The following ZNF438 variants were observed in gnomAD, a reference collection of about 807,000 sequenced individuals.
ZNF438 encodes zinc finger protein 438.
A neutral mutation model predicts 38.0 loss-of-function variants in ZNF438; 25 were observed. The observed-to-expected ratio is 0.66, with a 90% CI of 0.48 to 0.92. The LOEUF (loss-of-function observed/expected upper bound fraction) is 0.92. Ranked by LOEUF, ZNF438 falls within the 40% of genes least tolerant of loss-of-function variation. The pLI is 0.00. For synonymous variants in ZNF438, 372 were observed against 364.1 expected, an observed-to-expected ratio of 1.02 and a Z score of -0.25; for missense variants, 1,007 against 999.6, an observed-to-expected ratio of 1.01 and a Z score of -0.10.
intron 1 of ZNF438, among the ~76,000 whole-genome samples, chr10:30,947,764 T>C (rs893957441): frequency 1.2e-4 from 19 of 152,320 alleles, no homozygotes; most frequent in African/African-American, 4.1e-4. Context: ...AAGCGCAGTA[T>C]TCGGGAGGGA....
At chr10:30,874,157 TATA>T (rs2038040649) in intron 4 of ZNF438, among the ~76,000 whole-genome samples, 2 of 111,880 alleles carry the variant, frequency 1.8e-5, no homozygotes, top group Non-Finnish European at 3.6e-5. Context: ...TATATATATA[TATA>T]TATTTAGAGA....
chr10:30,891,177 T>C (rs2040637758), intron 3 of ZNF438, among the ~76,000 whole-genome samples: 1 of 152,218 alleles, frequency 6.6e-6, no homozygotes. Flanking sequence ...CCTGGGATAT[T>C]TTCTTCAATT....
At chr10:30,857,575 A>T in intron 4 of ZNF438, 2 of 952,110 alleles carry the variant, frequency 2.1e-6, no homozygotes, top group Non-Finnish European at 3.1e-6. Context: ...ATTACCATTA[A>T]ATTATACTAA....
chr10:30,929,795 A>G (rs967286154), intron 2 of ZNF438, among the ~76,000 whole-genome samples: 1 of 152,084 alleles, frequency 6.6e-6, no homozygotes, highest in African/African-American at 2.4e-5. Context: ...GCTAGACATA[A>G]AAGTTCTCCA....
At chr10:30,866,235 CAAGCACTCAATTCAGCCGTA>C (rs1486417943) in intron 4 of ZNF438, among the ~76,000 whole-genome samples, 3 of 152,166 alleles carry the variant, frequency 2.0e-5, no homozygotes, top group African/African-American at 7.2e-5. Context: ...GTTCTGAGGA[CAAGCACTCAATTCAGCCGTA>C]AAGCTGACCT....
At chr10:31,006,247 G>A (rs2055115145) in intron 1 of ZNF438, among the ~76,000 whole-genome samples, 1 of 152,182 alleles carries the variant, frequency 6.6e-6, no homozygotes, top group Non-Finnish European at 1.5e-5. Context: ...CTTGATTAGA[G>A]GGTTGGGACG....
At chr10:30,930,172 G>C (rs910063412) in intron 2 of ZNF438, among the ~76,000 whole-genome samples, 3 of 141,250 alleles carry the variant, frequency 2.1e-5, no homozygotes, top group Non-Finnish European at 4.7e-5. Context: ...GGTGGGGGGG[G>C]AGTGCGGGGC....
chr10:30,875,510 C>T, intron 4 of ZNF438: 1 of 985,368 alleles, frequency 1.0e-6, no homozygotes, highest in Non-Finnish European at 1.2e-6. Context: ...TCCTTGCTTG[C>T]TTGGATAAAA....
At chr10:30,884,554 G>A (rs903370533) in intron 3 of ZNF438, among the ~76,000 whole-genome samples, 23 of 152,190 alleles carry the variant, frequency 1.5e-4, no homozygotes, top group African/African-American at 5.1e-4. Flanking sequence ...ATTATAACCT[G>A]ACTTTTCTTA....
At chr10:30,865,444 T>C (rs750031693) in intron 4 of ZNF438, among the ~76,000 whole-genome samples, 7 of 74,778 alleles carry the variant, frequency 9.4e-5, no homozygotes, top group Middle Eastern at 6.0e-3. Context: ...CTTCAATGAG[T>C]AAAAATGAAG....
At chr10:30,977,759 C>G (rs182933840) in intron 1 of ZNF438, among the ~76,000 whole-genome samples, 1 of 151,862 alleles carries the variant, frequency 6.6e-6, no homozygotes, top group East Asian at 1.9e-4. Flanking sequence ...CCGAGGCTAG[C>G]GGATCGCAAG....
intron 1 of ZNF438, among the ~76,000 whole-genome samples, chr10:31,009,569 T>G (rs1193045322): frequency 1.3e-5 from 2 of 152,214 alleles, no homozygotes; most frequent in Non-Finnish European, 2.9e-5. Flanking sequence ...CGTGCATCCA[T>G]GAACATGATC....
At chr10:30,950,095 C>T (rs1253181828) in intron 1 of ZNF438, among the ~76,000 whole-genome samples, 2 of 149,020 alleles carry the variant, frequency 1.3e-5, no homozygotes, top group Admixed American at 1.3e-4. Flanking sequence ...TTAAGAATCT[C>T]ACTCAAAACC....
chr10:30,855,037 A>G (rs2132948665), intron 4 of ZNF438, among the ~76,000 whole-genome samples: 1 of 152,364 alleles, frequency 6.6e-6, no homozygotes, highest in East Asian at 1.9e-4. Flanking sequence ...GAAACCAGAT[A>G]TACTTCATAG....
chr10:30,852,285 A>G (rs2033803379), intron 4 of ZNF438, among the ~76,000 whole-genome samples: 1 of 150,612 alleles, frequency 6.6e-6, no homozygotes, highest in Non-Finnish European at 1.5e-5. Flanking sequence ...CTCGGCTCAC[A>G]GCAACCTCTG....
chr10:30,866,630 C>T (rs565711255), intron 4 of ZNF438, among the ~76,000 whole-genome samples: 4 of 151,996 alleles, frequency 2.6e-5, no homozygotes, highest in African/African-American at 7.3e-5. Context: ...GTCAGGAGAT[C>T]GAGACCATCC....
chr10:30,945,324 A>C (rs989818266), intron 1 of ZNF438, among the ~76,000 whole-genome samples: 2 of 151,092 alleles, frequency 1.3e-5, no homozygotes, highest in African/African-American at 4.9e-5. Flanking sequence ...ATTGGCTAGT[A>C]ATATAGCTCC....
intron 1 of ZNF438, among the ~76,000 whole-genome samples, chr10:30,982,463 T>C (rs925198775): frequency 1.3e-5 from 2 of 152,136 alleles, no homozygotes; most frequent in Admixed American, 6.5e-5. Flanking sequence ...AACTAAAAAA[T>C]AGATTATAAT....
chr10:30,944,172 A>C (rs2047119422), intron 1 of ZNF438, among the ~76,000 whole-genome samples: 1 of 152,134 alleles, frequency 6.6e-6, no homozygotes, highest in South Asian at 2.1e-4. Flanking sequence ...GTTTCGGCAA[A>C]AGACTGGCCA....
Sources: gnomAD v4.1 joint callset for allele counts (sites outside exome capture counted in the v4.1 genomes callset) on GRCh38, gnomAD v4.1.1 for gene constraint, MANE v1.5 for transcripts, NCBI Gene and HGNC (gene_info 2026-07-23, HGNC 2026-07-21) for gene names.